The following SCFD2 variants were observed in gnomAD, a reference collection of about 807,000 sequenced individuals.
SCFD2 encodes the protein sec1 family domain-containing protein 2.
Under a neutral mutation model 58.9 loss-of-function variants are expected in SCFD2, and 54 were observed. The observed-to-expected ratio is 0.92, with a 90% CI of 0.74 to 1.15. The LOEUF is 1.15. Among genes scored for constraint, SCFD2 ranks in the 50% most tolerant of loss-of-function variants. The pLI is 0.00. For missense variants in SCFD2, 805 were observed against 836.6 expected, an observed-to-expected ratio of 0.96 and a Z score of 0.47; for synonymous variants, 321 against 335.9, an observed-to-expected ratio of 0.96 and a Z score of 0.49.
intron 7 of SCFD2, among the ~76,000 whole-genome samples, chr4:52,906,455 T>C (rs1283405834): frequency 6.6e-6 from 1 of 152,200 alleles, no homozygotes; most frequent in Non-Finnish European, 1.5e-5. Context: ...ATTCTGGGCC[T>C]ACTTATACCA....
rs1577738221 is a variant in SCFD2, at chr4:53,113,024, C to T, written c.1561+32309G>A. ...TAGCTCTTAGGATGAATACTAAATC[C>T]TTAAATTGGCATACAAGGCCTTGAG... On this transcript the variant is annotated intron_variant, in intron 5 of 8. Transcript: ENST00000401642. Among the ~76,000 whole-genome samples the T allele has an allele frequency of 4.6e-5, 7 of 152,160 alleles. No homozygotes were observed. In the South Asian group the frequency reaches 1.5e-3, roughly 32 times the overall value.
chr4:53,254,486 CTTTTT>C (rs796766166), intron 4 of SCFD2, among the ~76,000 whole-genome samples: 2 of 145,558 alleles, frequency 1.4e-5, no homozygotes, highest in Non-Finnish European at 3.0e-5. Flanking sequence ...TTCTTTTTTT[CTTTTT>C]TTTTTTGTTT....
At chr4:53,180,496 A>G (rs1042777230) in intron 4 of SCFD2, among the ~76,000 whole-genome samples, 2 of 152,198 alleles carry the variant, frequency 1.3e-5, no homozygotes, top group African/African-American at 2.4e-5. Flanking sequence ...GGACACATTC[A>G]AAGCAGTGTG....
intron 5 of SCFD2, among the ~76,000 whole-genome samples, chr4:52,934,228 C>T (rs76977413): frequency 0.048 from 7,258 of 152,258 alleles, 210 homozygotes; most frequent in South Asian, 0.12. Context: ...GTGCTTGCCT[C>T]TCTCCCAGTG....
intron 4 of SCFD2, among the ~76,000 whole-genome samples, chr4:53,146,199 GC>G (rs933865896): frequency 2.0e-5 from 3 of 151,880 alleles, no homozygotes; most frequent in African/African-American, 7.3e-5. Flanking sequence ...TAAAAAAATT[GC>G]CTTTATATCT....
intron 5 of SCFD2, among the ~76,000 whole-genome samples, chr4:53,020,305 G>C (rs375855629): frequency 1.6e-4 from 24 of 152,288 alleles, no homozygotes; most frequent in African/African-American, 5.1e-4. Context: ...ATGATCTAGA[G>C]TGGATGTGGA....
At chr4:53,090,757 T>C (rs1437938849) in intron 5 of SCFD2, among the ~76,000 whole-genome samples, 1 of 152,192 alleles carries the variant, frequency 6.6e-6, no homozygotes, top group Non-Finnish European at 1.5e-5. Flanking sequence ...GGAGCTTACA[T>C]TGAAAAGCTA....
intron 2 of SCFD2, among the ~76,000 whole-genome samples, chr4:53,339,439 T>C (rs578151889): frequency 5.2e-4 from 79 of 151,834 alleles, no homozygotes; most frequent in African/African-American, 1.8e-3. Flanking sequence ...ATATCTAGTG[T>C]AACTACTGAA....
chr4:53,106,182 A>C (rs1724996434), intron 5 of SCFD2, among the ~76,000 whole-genome samples: 1 of 152,212 alleles, frequency 6.6e-6, no homozygotes, highest in Admixed American at 6.5e-5. Context: ...CAACATCAAC[A>C]AAAAGGATGT....
intron 7 of SCFD2, among the ~76,000 whole-genome samples, chr4:52,902,465 G>A (rs1175911043): frequency 6.6e-6 from 1 of 152,150 alleles, no homozygotes; most frequent in East Asian, 1.9e-4. Context: ...TTCTTTGGGG[G>A]GCAGTGTATC....
intron 7 of SCFD2, among the ~76,000 whole-genome samples, chr4:52,887,942 C>T (rs1225530751): frequency 2.9e-4 from 35 of 122,148 alleles, no homozygotes; most frequent in African/African-American, 8.3e-4. Flanking sequence ...CTCGCTCTGT[C>T]GCCCAGGCCG....
At chr4:52,920,658 C>T (rs927355380) in intron 6 of SCFD2, 67 bp downstream of exon 6, 2 of 1,195,234 alleles carry the variant, frequency 1.7e-6, no homozygotes, top group African/African-American at 3.2e-5. Flanking sequence ...GGAACCTTTT[C>T]TTCTATAGAC....
intron 4 of SCFD2, among the ~76,000 whole-genome samples, chr4:53,180,281 C>T (rs574727588): frequency 6.6e-6 from 1 of 152,100 alleles, no homozygotes; most frequent in Non-Finnish European, 1.5e-5. Context: ...AGTAAAAGAA[C>T]AGAAATTATA....
chr4:53,338,575 C>CTTTTTTTTTTTTTTTCTTTTT (rs1733753573), intron 2 of SCFD2, among the ~76,000 whole-genome samples: 1 of 72,296 alleles, frequency 1.4e-5, no homozygotes, highest in Non-Finnish European at 2.5e-5. Flanking sequence ...GTATATTTTT[C>CTTTTTTTTTTTTTTTCTTTTT]TTTTTTTTTT....
At chr4:53,030,573 C>A (rs1722592085) in intron 5 of SCFD2, among the ~76,000 whole-genome samples, 1 of 152,110 alleles carries the variant, frequency 6.6e-6, no homozygotes, top group Non-Finnish European at 1.5e-5. Flanking sequence ...CAGACGCATG[C>A]CACCATGCCC....
intron 4 of SCFD2, among the ~76,000 whole-genome samples, chr4:53,171,947 ATTGAT>A (rs1443712758): frequency 1.3e-5 from 2 of 149,692 alleles, no homozygotes; most frequent in African/African-American, 4.9e-5. Context: ...TCTTAATGTC[ATTGAT>A]TTGATTATTT....
At chr4:53,340,042 C>T (rs1235827913) in intron 2 of SCFD2, among the ~76,000 whole-genome samples, 4 of 152,124 alleles carry the variant, frequency 2.6e-5, no homozygotes, top group Admixed American at 1.3e-4. Context: ...GTGAGAGCAA[C>T]GCAGAAGACA....
intron 5 of SCFD2, among the ~76,000 whole-genome samples, chr4:53,060,819 A>T (rs1723489017): frequency 6.6e-6 from 1 of 152,202 alleles, no homozygotes; most frequent in Non-Finnish European, 1.5e-5. Flanking sequence ...ATAGATAAAC[A>T]GCAATAGATA....
intron 1 of SCFD2, among the ~76,000 whole-genome samples, chr4:53,363,709 G>C (rs1277570455): frequency 6.6e-5 from 10 of 151,456 alleles, no homozygotes; most frequent in Non-Finnish European, 1.5e-4. Flanking sequence ...TGTAGTCCCA[G>C]CTACTCGGGA....
Sources: allele counts gnomAD v4.1 joint callset (sites outside exome capture counted in the v4.1 genomes callset), GRCh38; gene constraint gnomAD v4.1.1; transcripts MANE v1.5; gene names NCBI Gene and HGNC (gene_info 2026-07-23, HGNC 2026-07-21).